The following KIF21A variants were observed in gnomAD, a reference collection of about 807,000 sequenced individuals.
The protein encoded by KIF21A is kinesin-like protein KIF21A.
KIF21A carries 114 observed loss-of-function variants against 202.9 expected under a neutral mutation model. The observed-to-expected ratio is 0.56, with a 90% CI of 0.48 to 0.66. The LOEUF is 0.66. Ranked by LOEUF, KIF21A falls within the 30% of genes least tolerant of loss-of-function variation. The pLI is 0.00. For missense variants in KIF21A, 1,677 were observed against 1,994.9 expected (o/e 0.84, Z 3.04); for synonymous variants, 667 against 670.8 (o/e 0.99, Z 0.09).
At chr12:39,412,135 GT>G (rs1246574155) in intron 1 of KIF21A, among the ~76,000 whole-genome samples, 6 of 152,096 alleles carry the variant, frequency 3.9e-5, no homozygotes, top group African/African-American at 1.4e-4. Context: ...GTGAGCCCCA[GT>G]GCCCTGCATG....
At position 39,337,076 on chromosome 12, in the gene KIF21A, G is replaced by A. The variant is rs1947042841; in HGVS notation, c.2418+20C>T. The A allele has an allele frequency of 1.4e-6, 2 of 1,472,724 alleles. No homozygotes were observed. The highest frequency in any genetic ancestry group is 3.3e-5 in the Admixed American group (2 of 59,782). 91.2% of individuals were successfully genotyped at this position (1,472,724 alleles called of 1,614,324 possible). A position where few individuals can be genotyped will look rare whatever the true frequency, so the allele number is the denominator to read the frequency against. ...CAACGTACAATTTTCTTATATAACT[G>A]AGAGTTAAAATCCACTTACATCTCT... On this transcript the variant is annotated intron_variant, in intron 17 of 37. Coordinates refer to ENST00000361418, the MANE Select transcript of KIF21A (RefSeq NM_001173464.2).
chr12:39,380,637 G>C (rs115923031), intron 1 of KIF21A, among the ~76,000 whole-genome samples: 2 of 151,706 alleles, frequency 1.3e-5, no homozygotes, highest in African/African-American at 4.8e-5. Flanking sequence ...GGAGAGGACC[G>C]CTTGATCCCA....
chr12:39,318,296 T>G, intron 28 of KIF21A, 95 bp from the exon 29 acceptor site: 1 of 1,176,374 alleles, frequency 8.5e-7, no homozygotes, highest in Non-Finnish European at 1.2e-6. Context: ...AAAAAGCTTT[T>G]TATTAGAGAA....
At chr12:39,368,435 C>G (rs189810729) in intron 3 of KIF21A, among the ~76,000 whole-genome samples, 1 of 152,174 alleles carries the variant, frequency 6.6e-6, no homozygotes. Flanking sequence ...TGCCCTGAAA[C>G]CTTTCTTAAC....
At chr12:39,362,260 T>G (rs1236132288) in intron 7 of KIF21A, among the ~76,000 whole-genome samples, 1 of 152,188 alleles carries the variant, frequency 6.6e-6, no homozygotes, top group African/African-American at 2.4e-5. Flanking sequence ...TTTATGGCAG[T>G]GCAAGAACGA....
Position 39,358,233 on chromosome 12 carries a change from T to C in KIF21A, c.1160A>G (p.Asn387Ser), listed in dbSNP as rs745692702. 60 of 1,614,126 alleles carry C rather than the reference T, an allele frequency of 3.7e-5. 1 individual carries two copies. The highest frequency in any genetic ancestry group is 2.9e-4 in the East Asian group (13 of 44,864). The change falls in exon 8 of 38, where the codon AAT becomes AGT. Residue 387 changes from asparagine to serine, a missense_variant. Around this residue, in one of 3 missense-constraint regions of KIF21A, gnomAD observed 966 missense variants for 1,180.9 expected, o/e 0.82. Transcript: ENST00000361418. ...TCGTGTGATTTCACTACGAAGTGCA[T>C]TGATTTGCTGACTAGCTCTGTCCTG... ...VNQDRASQQINALRSEITRLQ... is the reference protein window; with the variant it reads ...VNQDRASQQISALRSEITRLQ...
chr12:39,380,720 A>AGAAG (rs950596016), intron 1 of KIF21A, among the ~76,000 whole-genome samples: 8 of 152,234 alleles, frequency 5.3e-5, no homozygotes, highest in African/African-American at 1.4e-4. Context: ...GAAGAAGGAA[A>AGAAG]GAAGGAAGGA....
intron 1 of KIF21A, among the ~76,000 whole-genome samples, chr12:39,378,391 A>G (rs564382470): frequency 1.3e-5 from 2 of 152,228 alleles, no homozygotes; most frequent in African/African-American, 4.8e-5. Flanking sequence ...AAGAAAAAAA[A>G]TAGTCAAATT....
intron 33 of KIF21A, among the ~76,000 whole-genome samples, chr12:39,308,476 AG>A (rs1943693282): frequency 6.6e-6 from 1 of 152,136 alleles, no homozygotes; most frequent in Non-Finnish European, 1.5e-5. Flanking sequence ...ACTCCACCCA[AG>A]GGCCAGGCTT....
At chr12:39,357,955 A>T (rs887358821) in intron 8 of KIF21A, among the ~76,000 whole-genome samples, 3 of 133,324 alleles carry the variant, frequency 2.3e-5, no homozygotes, top group African/African-American at 5.7e-5. Flanking sequence ...AAAAAAAAAA[A>T]ATTGGGTAGG....
intron 1 of KIF21A, among the ~76,000 whole-genome samples, chr12:39,409,815 A>G (rs1460679174): frequency 6.6e-6 from 1 of 151,800 alleles, no homozygotes; most frequent in Non-Finnish European, 1.5e-5. Flanking sequence ...CTGGAAATAG[A>G]GAAAAATCGA....
chr12:39,392,828 C>A (rs1951468103), intron 1 of KIF21A, among the ~76,000 whole-genome samples: 1 of 141,416 alleles, frequency 7.1e-6, no homozygotes, highest in African/African-American at 2.7e-5. Context: ...TATTAATGAG[C>A]CATACTAGAT....
chr12:39,317,563 A>AT (rs1303268952), intron 29 of KIF21A, among the ~76,000 whole-genome samples: 32 of 152,122 alleles, frequency 2.1e-4, no homozygotes, highest in Admixed American at 1.8e-3. Flanking sequence ...CGTAAAGGTG[A>AT]TTTTTTATTC....
At chr12:39,324,109 CA>C (rs200814971) in intron 26 of KIF21A, among the ~76,000 whole-genome samples, 32 of 139,590 alleles carry the variant, frequency 2.3e-4, no homozygotes, top group Admixed American at 1.0e-3. Flanking sequence ...GACTCTGCCT[CA>C]AAAAAAAAAA....
At chr12:39,393,856 T>G (rs1176837736) in intron 1 of KIF21A, among the ~76,000 whole-genome samples, 1 of 152,204 alleles carries the variant, frequency 6.6e-6, no homozygotes, top group Non-Finnish European at 1.5e-5. Flanking sequence ...TCATGTAATT[T>G]CATGTAATGT....
chr12:39,387,248 C>A (rs1302497733), intron 1 of KIF21A, among the ~76,000 whole-genome samples: 1 of 149,846 alleles, frequency 6.7e-6, no homozygotes, highest in Non-Finnish European at 1.5e-5. Flanking sequence ...TCAAAGACAA[C>A]CTCTCAGGCC....
chr12:39,401,178 T>C (rs1464451736), intron 1 of KIF21A, among the ~76,000 whole-genome samples: 2 of 152,080 alleles, frequency 1.3e-5, no homozygotes, highest in African/African-American at 4.8e-5. Flanking sequence ...AAGAGAATCA[T>C]AAGTGCTCTA....
intron 1 of KIF21A, among the ~76,000 whole-genome samples, chr12:39,389,173 T>TACAC (rs1241467415): frequency 2.2e-5 from 3 of 134,340 alleles, no homozygotes; most frequent in Non-Finnish European, 4.6e-5. Context: ...ATTCAGTAAA[T>TACAC]ACACATACAC....
At chr12:39,396,315 G>T (rs1457102932) in intron 1 of KIF21A, among the ~76,000 whole-genome samples, 2 of 152,110 alleles carry the variant, frequency 1.3e-5, no homozygotes, top group Non-Finnish European at 2.9e-5. Flanking sequence ...CTTGTGTTTG[G>T]TTTTTAAGCA....
Sources: gnomAD v4.1 joint callset for allele counts (sites outside exome capture counted in the v4.1 genomes callset) on GRCh38, gnomAD v4.1.1 for gene constraint, gnomAD v4.1.1 regional missense constraint, MANE v1.5 for transcripts, NCBI Gene and HGNC (gene_info 2026-07-23, HGNC 2026-07-21) for gene names.